The following PTGFR variants were observed in gnomAD, a reference collection of about 807,000 sequenced individuals.
The protein encoded by PTGFR is prostaglandin F2-alpha receptor.
Under a neutral mutation model 26.2 loss-of-function variants are expected in PTGFR, and 15 were observed. The ratio of observed to expected loss-of-function variants is 0.57; its 90% CI spans 0.38 to 0.88. The LOEUF is 0.88. Among genes scored for constraint, PTGFR ranks in the 40% least tolerant of loss-of-function variants. PTGFR has a pLI of 0.00. For missense variants in PTGFR, 369 were observed against 427.2 expected, an observed-to-expected ratio of 0.86 and a Z score of 1.20; for synonymous variants, 165 against 151.1, an observed-to-expected ratio of 1.09 and a Z score of -0.68.
At chr1:78,530,471 G>C (rs1456005362) in intron 2 of PTGFR, among the ~76,000 whole-genome samples, 1 of 152,144 alleles carries the variant, frequency 6.6e-6, no homozygotes, top group Admixed American at 6.6e-5. Context: ...TAGGCAGATG[G>C]AACTAGAATC....
At chr1:78,520,713 C>T (rs775765853) in intron 2 of PTGFR, among the ~76,000 whole-genome samples, 1 of 151,742 alleles carries the variant, frequency 6.6e-6, no homozygotes, top group Non-Finnish European at 1.5e-5. Flanking sequence ...GTCTTTATTG[C>T]TTATCTTGAA....
At chr1:78,507,785 A>G (rs1010928797) in intron 2 of PTGFR, among the ~76,000 whole-genome samples, 4 of 152,146 alleles carry the variant, frequency 2.6e-5, no homozygotes, top group African/African-American at 9.7e-5. Context: ...TAGATTGCTG[A>G]AGTATGAAAT....
rs1650750547 is a variant in PTGFR, at chr1:78,539,778, C to T, written c.*3091C>T. The T allele has an allele frequency of 6.6e-6, 1 of 152,392 alleles. No individual in the cohort carries two copies. The allele number at this position is 152,392 out of a possible 1,614,324, so 9.4% of individuals were successfully genotyped here. On this transcript the variant is annotated 3_prime_UTR_variant, in exon 3 of 3. Transcript: ENST00000370757. ...CAAGAGTGATTATTTTTAGAAGGAC[C>T]ATATAAAACTTGAAACGCTTGAACC...
At chr1:78,495,245 G>T (rs1053434204) in intron 2 of PTGFR, among the ~76,000 whole-genome samples, 3 of 152,182 alleles carry the variant, frequency 2.0e-5, no homozygotes, top group African/African-American at 7.2e-5. Flanking sequence ...GTAAGAGTCT[G>T]ATCTGTGATT....
intron 2 of PTGFR, among the ~76,000 whole-genome samples, chr1:78,529,652 T>C (rs763859996): frequency 2.0e-5 from 3 of 152,120 alleles, no homozygotes; most frequent in Non-Finnish European, 4.4e-5. Flanking sequence ...AATAATAAAA[T>C]AAGGATAACT....
intron 2 of PTGFR, among the ~76,000 whole-genome samples, chr1:78,495,717 T>C (rs951039097): frequency 6.6e-6 from 1 of 152,224 alleles, no homozygotes; most frequent in Admixed American, 6.5e-5. Flanking sequence ...ATAGACTTAC[T>C]CCTGCAAGAT....
At chr1:78,500,419 C>T (rs1649674501) in intron 2 of PTGFR, among the ~76,000 whole-genome samples, 2 of 152,204 alleles carry the variant, frequency 1.3e-5, no homozygotes, top group East Asian at 3.8e-4. Context: ...GCTGCTTTGT[C>T]CAAGATTGTG....
chr1:78,522,351 C>T (rs1019967276), intron 2 of PTGFR, among the ~76,000 whole-genome samples: 2 of 151,980 alleles, frequency 1.3e-5, no homozygotes, highest in Non-Finnish European at 1.5e-5. Context: ...ATCTTAAGGT[C>T]GGCCATGCCA....
chr1:78,523,939 C>T (rs1180870806), intron 2 of PTGFR, among the ~76,000 whole-genome samples: 3 of 152,034 alleles, frequency 2.0e-5, no homozygotes, highest in East Asian at 1.9e-4. Context: ...CTGAAAGTAG[C>T]ATCTAATCCA....
At chr1:78,498,151 T>G (rs145967236) in intron 2 of PTGFR, among the ~76,000 whole-genome samples, 189 of 152,308 alleles carry the variant, frequency 1.2e-3, no homozygotes, top group African/African-American at 4.2e-3. Flanking sequence ...AATGACCAAG[T>G]CTTAAAGGGC....
At chr1:78,532,477 T>C (rs1348247385) in intron 2 of PTGFR, 1 of 138,418 alleles carries the variant, frequency 7.2e-6, no homozygotes, top group Non-Finnish European at 1.5e-5. Context: ...TGTGTGTATA[T>C]ATGTGTGTAT....
In PTGFR at chr1:78,493,409, C is replaced by A; in HGVS notation, c.666C>A (p.Ile222=). The change falls in exon 2 of 3, where the codon ATC becomes ATA. Residue 222 remains isoleucine, a synonymous_variant. Transcript: ENST00000370757. Reference sequence around the variant, plus strand: ...GTGTTTCATTGTTGTGCAATGCAATCACAGGAATTACACTTTTAAGAGTTA... The same window carrying A: ...GTGTTTCATTGTTGTGCAATGCAATAACAGGAATTACACTTTTAAGAGTTA... ...ALGVSLLCNA[I]TGITLLRVKF... 2 of 1,613,608 alleles carry A rather than the reference C, an allele frequency of 1.2e-6. No homozygotes were observed. Among genetic ancestry groups the A allele is most frequent in the Admixed American group, 1.7e-5 (1 of 59,942 alleles).
intron 2 of PTGFR, among the ~76,000 whole-genome samples, chr1:78,507,058 A>C (rs1191006707): frequency 6.6e-6 from 1 of 152,206 alleles, no homozygotes; most frequent in African/African-American, 2.4e-5. Flanking sequence ...CTAAACATGC[A>C]TGATTCAAAG....
At chr1:78,529,070 G>C (rs1650444583) in intron 2 of PTGFR, among the ~76,000 whole-genome samples, 1 of 152,100 alleles carries the variant, frequency 6.6e-6, no homozygotes, top group South Asian at 2.1e-4. Flanking sequence ...ATTAATTATT[G>C]TACCACAACT....
At chr1:78,536,296 CA>C in intron 2 of PTGFR, 109 bp from the exon 3 acceptor site, 3 of 1,018,502 alleles carry the variant, frequency 2.9e-6, no homozygotes, top group Non-Finnish European at 4.3e-6. Context: ...TAAACAATAG[CA>C]TCACTCTGTG....
chr1:78,500,063 T>C (rs1649664327), intron 2 of PTGFR, among the ~76,000 whole-genome samples: 1 of 151,060 alleles, frequency 6.6e-6, no homozygotes. Flanking sequence ...CATAATGTAT[T>C]TTTTTTTTGG....
chr1:78,506,417 C>T lies in PTGFR; in HGVS notation c.798+12876C>T, dbSNP rs1442076683. Reference sequence around the variant, plus strand: ...TTCCCTGCTTTATTTTATTCTTTTACTTTTAATATTAGAATTATTCCAGTT... The same window carrying T: ...TTCCCTGCTTTATTTTATTCTTTTATTTTTAATATTAGAATTATTCCAGTT... On this transcript the variant is annotated intron_variant, in intron 2 of 2. Coordinates refer to ENST00000370757, the MANE Select transcript of PTGFR (RefSeq NM_000959.4). 2.6e-5 allele frequency among the ~76,000 whole-genome samples: 4 copies of T among 151,794 alleles called. No individual in the cohort carries two copies. In the South Asian group the frequency reaches 8.3e-4, roughly 32 times the overall value.
intron 2 of PTGFR, among the ~76,000 whole-genome samples, chr1:78,531,183 C>T (rs926115865): frequency 6.6e-6 from 1 of 152,098 alleles, no homozygotes; most frequent in African/African-American, 2.4e-5. Flanking sequence ...AAAGTTGAAT[C>T]GAACTAATTG....
intron 2 of PTGFR, among the ~76,000 whole-genome samples, chr1:78,519,007 T>C (rs1394657423): frequency 6.6e-6 from 1 of 152,176 alleles, no homozygotes; most frequent in Non-Finnish European, 1.5e-5. Context: ...CCCAGTTGAA[T>C]AGAATTCTTT....
Sources: gnomAD v4.1 joint callset for allele counts (sites outside exome capture counted in the v4.1 genomes callset) on GRCh38, gnomAD v4.1.1 for gene constraint, MANE v1.5 for transcripts, NCBI Gene and HGNC (gene_info 2026-07-23, HGNC 2026-07-21) for gene names.